PAIP1: variants seen among roughly 807,000 people sequenced by gnomAD.
PAIP1 encodes the protein polyadenylate-binding protein-interacting protein 1.
Under a neutral mutation model 61.3 loss-of-function variants are expected in PAIP1, and 16 were observed. The ratio of observed to expected loss-of-function variants is 0.26; its 90% CI spans 0.18 to 0.40. The LOEUF (loss-of-function observed/expected upper bound fraction) is 0.40. Ranked by LOEUF, PAIP1 falls within the 10% of genes least tolerant of loss-of-function variation. PAIP1 has a pLI of 1.00. For synonymous variants in PAIP1, 187 were observed against 226.2 expected, an observed-to-expected ratio of 0.83 and a Z score of 1.56; for missense variants, 416 against 600.9, an observed-to-expected ratio of 0.69 and a Z score of 3.22.
intron 1 of PAIP1, 67 bp from the exon 2 acceptor site, chr5:43,556,066 T>C (rs1159886038): frequency 3.3e-6 from 5 of 1,526,252 alleles, no homozygotes; most frequent in Non-Finnish European, 4.4e-6. Context: ...TGCTATATAC[T>C]GAAAAACCAT....
chr5:43,556,696 G>A lies in PAIP1; in HGVS notation c.151C>T (p.Pro51Ser). The change falls in exon 1 of 11, where the codon CCG (proline) becomes TCG (serine). Residue 51 changes from proline (P) to serine (S), a missense_variant. Around this residue, in one of 4 missense-constraint regions of PAIP1, gnomAD observed 97 missense variants for 89.5 expected, o/e 1.08. Transcript: ENST00000306846. The stretch of plus-strand genomic sequence containing the variant: ...AGCGGCGGTGGCTGCAGGAAGCCCG[G>A]GGCTTTGGGTTGCGGCGGCTGGTGC... ...ARHQPPQPKA[P>S]GFLQPPPLRQ... 4 of 1,312,744 alleles carry A rather than the reference G, an allele frequency of 3.0e-6. No homozygotes were observed. The highest frequency in any genetic ancestry group is 3.9e-6 in the Non-Finnish European group (4 of 1,035,144). The allele number at this position is 1,312,744 out of a possible 1,614,324, so 81.3% of individuals were successfully genotyped here.
At chr5:43,532,779 T>C (rs1015225227) in intron 9 of PAIP1, among the ~76,000 whole-genome samples, 1 of 151,928 alleles carries the variant, frequency 6.6e-6, no homozygotes, top group African/African-American at 2.4e-5. Context: ...AGACAAATGA[T>C]CCAACAGAAA....
intron 10 of PAIP1, among the ~76,000 whole-genome samples, chr5:43,527,901 G>C (rs914181187): frequency 6.6e-6 from 1 of 152,176 alleles, no homozygotes; most frequent in Non-Finnish European, 1.5e-5. Context: ...CTTAATAACA[G>C]AAAGTGCTAT....
chr5:43,543,077 G>C lies in PAIP1; in HGVS notation c.661C>G (p.Leu221Val). 3 of 1,610,432 alleles carry C rather than the reference G, an allele frequency of 1.9e-6. No individual in the cohort carries two copies. Among genetic ancestry groups the C allele is most frequent in the Non-Finnish European group, 2.5e-6 (3 of 1,176,920 alleles). ...AGATGATGGGACAGGTAATTACACA[G>C]GCGAGCTCCCATATAAGAGAAATTT... Reference protein sequence around the residue: ...IPNFSYMGARLCNYLSHHLTI... With the variant: ...IPNFSYMGARVCNYLSHHLTI... The change falls in exon 4 of 11, where the codon CTG (leucine) becomes GTG (valine). Residue 221 changes from leucine to valine, a missense_variant. By Grantham distance (32) the Leu-to-Val change is conservative. Around this residue, in one of 4 missense-constraint regions of PAIP1, gnomAD observed 180 missense variants for 211.2 expected, o/e 0.85. Transcript: ENST00000306846.
rs1041888611 is a variant in PAIP1 at position 43,527,227 on chromosome 5, A to G, written c.*149T>C. 14 of 470,028 alleles carry G rather than the reference A, an allele frequency of 3.0e-5. No homozygotes were observed. Among genetic ancestry groups the G allele is most frequent in the Non-Finnish European group, 5.2e-5 (14 of 270,624 alleles). The allele number at this position is 470,028 out of a possible 1,614,324, so 29.1% of individuals were successfully genotyped here. ...GGGAATAAAGTTTATTTTGGCAGAT[A>G]GTGTTAAACAAAATTAAAGTTGCAT... On this transcript the variant is annotated 3_prime_UTR_variant, in exon 11 of 11. Transcript: ENST00000306846.
rs1748048825 is a variant in PAIP1 at position 43,556,032 on chromosome 5, C to G, written c.266-33G>C. ...AGAAAAAAAAACGGGGCGTCAGATG[C>G]ATTCTTTCCTTTGTACAGCAACTTG... On this transcript the variant is annotated intron_variant, in intron 1 of 10. Coordinates refer to ENST00000306846, the MANE Select transcript of PAIP1 (RefSeq NM_006451.5). The G allele has an allele frequency of 1.9e-6, 3 of 1,600,244 alleles. No individual in the cohort carries two copies. In the African/African-American group the frequency reaches 4.1e-5, roughly 22 times the overall value.
chr5:43,528,196 A>G (rs1308106871), intron 10 of PAIP1, among the ~76,000 whole-genome samples: 1 of 152,178 alleles, frequency 6.6e-6, no homozygotes, highest in African/African-American at 2.4e-5. Context: ...TTGGAGATGG[A>G]AAATAAAGAG....
At chr5:43,529,941 A>G in intron 9 of PAIP1, 62 bp from the exon 10 acceptor site, 1 of 793,466 alleles carries the variant, frequency 1.3e-6, no homozygotes, top group Non-Finnish European at 2.3e-6. Flanking sequence ...ATGACCAATC[A>G]CCCCTAAATG....
At chr5:43,549,929 G>A (rs1473013557) in intron 2 of PAIP1, among the ~76,000 whole-genome samples, 1 of 152,006 alleles carries the variant, frequency 6.6e-6, no homozygotes, top group Non-Finnish European at 1.5e-5. Flanking sequence ...TCACCATGTT[G>A]ATCAGGATGG....
chr5:43,557,096 G>A (rs1025367176), upstream of PAIP1: 19 of 627,932 alleles, frequency 3.0e-5, no homozygotes, highest in Admixed American at 6.9e-4. Flanking sequence ...CCCAAAACCC[G>A]GCTCCCCGCC....
Position 43,529,821 on chromosome 5 carries a change from T to C in PAIP1, c.1311A>G (p.Glu437=), listed in dbSNP as rs750437524. The C allele has an allele frequency of 1.3e-6, 2 of 1,581,542 alleles. No individual in the cohort carries two copies. Among genetic ancestry groups the C allele is most frequent in the Admixed American group, 3.3e-5 (2 of 59,988 alleles). Residue 437 remains glutamate (E), a synonymous_variant, in exon 10 of 11, where the codon GAA becomes GAG. Coordinates refer to ENST00000306846, the MANE Select transcript of PAIP1 (RefSeq NM_006451.5). ...CCCCGGATAAATCTGTTCCATTTTC[T>C]TCATAATCTGGAAAAAAGTCCTCTC... ...LEREDFFPDY[E]ENGTDLSGAG...
Position 43,526,444 on chromosome 5 carries a change from C to T in PAIP1, c.*932G>A, listed in dbSNP as rs1746714056. The stretch of plus-strand genomic sequence containing the variant: ...CATATTTACAAGCAATCCTTTTGTA[C>T]ACAGTTTTTAGTTAGCTGGAAAAAG... On this transcript the variant is annotated 3_prime_UTR_variant, in exon 11 of 11. Coordinates refer to ENST00000306846, the MANE Select transcript of PAIP1 (RefSeq NM_006451.5). 1.3e-5 allele frequency: 2 copies of T among 152,030 alleles called. No individual in the cohort carries two copies. The highest frequency in any genetic ancestry group is 1.3e-4 in the Admixed American group (2 of 15,210). The allele number at this position is 152,030 out of a possible 1,614,324, so 9.4% of individuals were successfully genotyped here. A position where few individuals can be genotyped will look rare whatever the true frequency, so the allele number is the denominator to read the frequency against.
At chr5:43,545,651 C>T (rs1422877405) in intron 3 of PAIP1, among the ~76,000 whole-genome samples, 2 of 152,174 alleles carry the variant, frequency 1.3e-5, no homozygotes, top group East Asian at 1.9e-4. Context: ...TTCTAGTCTT[C>T]AAAACTAGTG....
intron 2 of PAIP1, among the ~76,000 whole-genome samples, chr5:43,551,368 A>T (rs1747860715): frequency 6.6e-6 from 1 of 152,208 alleles, no homozygotes; most frequent in African/African-American, 2.4e-5. Flanking sequence ...GGTTAAATAC[A>T]TTATCATATA....
intron 2 of PAIP1, among the ~76,000 whole-genome samples, chr5:43,551,488 AG>A (rs1214367550): frequency 6.6e-6 from 1 of 152,244 alleles, no homozygotes; most frequent in Non-Finnish European, 1.5e-5. Context: ...AAGTTGTGAA[AG>A]CAGTTAGGCA....
intron 3 of PAIP1, among the ~76,000 whole-genome samples, chr5:43,544,879 G>C (rs1245648126): frequency 6.6e-6 from 1 of 152,120 alleles, no homozygotes; most frequent in Non-Finnish European, 1.5e-5. Flanking sequence ...AAATCCATCT[G>C]AAATGCTTGA....
intron 4 of PAIP1, among the ~76,000 whole-genome samples, chr5:43,542,395 G>A (rs1490546500): frequency 6.6e-6 from 1 of 151,712 alleles, no homozygotes; most frequent in African/African-American, 2.4e-5. Flanking sequence ...AGCCGGGCAT[G>A]GTGGCGGGTG....
At chr5:43,531,140 A>C (rs1391586964) in intron 9 of PAIP1, among the ~76,000 whole-genome samples, 1 of 152,092 alleles carries the variant, frequency 6.6e-6, no homozygotes, top group Middle Eastern at 3.2e-3. Context: ...TGCCCCAGAG[A>C]ATTTTTAACA....
At chr5:43,535,796 C>T (rs1368028048) in intron 6 of PAIP1, among the ~76,000 whole-genome samples, 156 bp from the exon 7 acceptor site, 1 of 152,074 alleles carries the variant, frequency 6.6e-6, no homozygotes, top group Non-Finnish European at 1.5e-5. Flanking sequence ...ATTCAGTGAT[C>T]TCTACGCCCT....
Sources: allele counts gnomAD v4.1 joint callset (sites outside exome capture counted in the v4.1 genomes callset), GRCh38; gene constraint gnomAD v4.1.1; regional missense constraint gnomAD v4.1.1; transcripts MANE v1.5; gene names NCBI Gene and HGNC (gene_info 2026-07-23, HGNC 2026-07-21).